The following ANK1 variants were observed in gnomAD, a reference collection of about 807,000 sequenced individuals.
ANK1 encodes ankyrin-1.
A neutral mutation model predicts 210.4 loss-of-function variants in ANK1; 51 were observed. The observed-to-expected ratio is 0.24, with a 90% CI of 0.19 to 0.31. The LOEUF (loss-of-function observed/expected upper bound fraction) is 0.31. Ranked by LOEUF, ANK1 falls within the 10% of genes least tolerant of loss-of-function variation. The pLI, the probability that ANK1 is intolerant of heterozygous loss-of-function variation, is 1.00. For synonymous variants in ANK1, 967 were observed against 1,025.9 expected (o/e 0.94, Z 1.10); for missense variants, 2,051 against 2,504.4 (o/e 0.82, Z 3.86).
chr8:41,875,429 C>A (rs1354418121), intron 1 of ANK1, among the ~76,000 whole-genome samples: 1 of 152,200 alleles, frequency 6.6e-6, no homozygotes, highest in Non-Finnish European at 1.5e-5. Flanking sequence ...TCACCACCGG[C>A]CTGCCAAGAG....
chr8:41,784,353 A>G (rs1162579325), intron 1 of ANK1, among the ~76,000 whole-genome samples: 2 of 152,238 alleles, frequency 1.3e-5, no homozygotes, highest in Non-Finnish European at 2.9e-5. Context: ...TATTTAGTGA[A>G]TTCCTTCTTA....
intron 2 of ANK1, among the ~76,000 whole-genome samples, chr8:41,738,058 T>A (rs1400658042): frequency 6.6e-6 from 1 of 152,014 alleles, no homozygotes; most frequent in Non-Finnish European, 1.5e-5. Flanking sequence ...AAACAGCATG[T>A]AAAGGGGTAG....
chr8:41,685,008 A>C (rs1322801283), intron 36 of ANK1, among the ~76,000 whole-genome samples: 3 of 152,152 alleles, frequency 2.0e-5, no homozygotes, highest in Non-Finnish European at 4.4e-5. Flanking sequence ...ATCTCGGCTC[A>C]CTGTCCACCT....
chr8:41,861,695 C>T (rs756137682), intron 1 of ANK1, among the ~76,000 whole-genome samples: 40 of 152,348 alleles, frequency 2.6e-4, no homozygotes, highest in Middle Eastern at 6.8e-3. Flanking sequence ...CTAGGCACTG[C>T]GGCAGAAACG....
At chr8:41,731,336 G>A (rs947016643) in intron 3 of ANK1, among the ~76,000 whole-genome samples, 2 of 152,194 alleles carry the variant, frequency 1.3e-5, no homozygotes, top group Non-Finnish European at 2.9e-5. Context: ...GAGCAGGGAG[G>A]ATGGTTGCAT....
intron 1 of ANK1, among the ~76,000 whole-genome samples, chr8:41,849,135 C>G (rs529303679): frequency 6.6e-6 from 1 of 152,220 alleles, no homozygotes; most frequent in African/African-American, 2.4e-5. Context: ...ACCTTTGAAC[C>G]ACATTTGGAG....
chr8:41,810,332 C>T (rs759134947), intron 1 of ANK1, among the ~76,000 whole-genome samples: 1 of 152,172 alleles, frequency 6.6e-6, no homozygotes, highest in Non-Finnish European at 1.5e-5. Flanking sequence ...AGCGAATCTG[C>T]GGTTTCATGT....
At chr8:41,689,032 C>T (rs1050496797) in intron 33 of ANK1, among the ~76,000 whole-genome samples, 1 of 152,170 alleles carries the variant, frequency 6.6e-6, no homozygotes, top group South Asian at 2.1e-4. Context: ...TTGAAAGACC[C>T]GTTTCTGTAC....
At chr8:41,891,671 T>C (rs572553545) in intron 1 of ANK1, among the ~76,000 whole-genome samples, 1 of 152,292 alleles carries the variant, frequency 6.6e-6, no homozygotes, top group East Asian at 1.9e-4. Flanking sequence ...GGAGCTGAAC[T>C]GAAAAAATGG....
chr8:41,896,409 C>T, exon 1 of ANK1: 1 of 1,604,372 alleles, frequency 6.2e-7, no homozygotes, highest in Non-Finnish European at 8.5e-7. Flanking sequence ...ATTCCTCCTT[C>T]TCCTTCTGCT....
At position 41,709,048 on chromosome 8, in the gene ANK1, GC is replaced by G. The variant is rs929467733; in HGVS notation, c.1801-74del. The stretch of plus-strand genomic sequence containing the variant: ...TGACAATATCAACACACAAGCAGGG[GC>G]TGAGTCTGGTTCTTGGCCGGCTGGA... On this transcript the variant is annotated intron_variant, in intron 16 of 42. Transcript: ENST00000289734. The G allele has an allele frequency of 1.9e-6, 3 of 1,581,382 alleles. No homozygotes were observed. The African/African-American group carries it at 4.0e-5, about 21-fold the overall frequency.
intron 18 of ANK1, 64 bp downstream of exon 18, chr8:41,706,079 A>C (rs1824489051): frequency 1.3e-6 from 2 of 1,482,724 alleles, no homozygotes; most frequent in Non-Finnish European, 1.9e-6. Flanking sequence ...GCTCTGTGGA[A>C]GATTCAATTC....
chr8:41,703,452 T>TA (rs57245303), intron 20 of ANK1, among the ~76,000 whole-genome samples: 21 of 28,784 alleles, frequency 7.3e-4, no homozygotes, highest in Non-Finnish European at 9.9e-4. Context: ...ATATATATAT[T>TA]TTTTTTTTTT....
intron 39 of ANK1, chr8:41,665,262 C>A: frequency 6.6e-7 from 1 of 1,504,404 alleles, no homozygotes; most frequent in Non-Finnish European, 8.9e-7. Context: ...AGCAGCCAGG[C>A]TCTGCCCTGA....
Position 41,662,023 on chromosome 8 carries a change from C to T in ANK1, c.5479-82G>A, listed in dbSNP as rs1361234477. On this transcript the variant is annotated intron_variant, in intron 40 of 42. Coordinates refer to ENST00000289734, the MANE Select transcript of ANK1 (RefSeq NM_000037.4). ...TCTGTAATCTCAGCACTTTGGGAGG[C>T]TGACGTGCAGATCATCTGAGGTCAG... The T allele has an allele frequency of 2.5e-5, 38 of 1,522,984 alleles. 1 individual carries two copies. The East Asian group carries it at 8.6e-4, about 35-fold the overall frequency. The allele number at this position is 1,522,984 out of a possible 1,614,324, so 94.3% of individuals were successfully genotyped here.
intron 1 of ANK1, among the ~76,000 whole-genome samples, chr8:41,803,945 G>A (rs1850548797): frequency 1.3e-5 from 2 of 152,050 alleles, no homozygotes; most frequent in South Asian, 4.1e-4. Flanking sequence ...CAGGATTTTT[G>A]CACCTATATA....
At chr8:41,666,430 CT>C (rs1471374489) in intron 39 of ANK1, among the ~76,000 whole-genome samples, 15 of 152,184 alleles carry the variant, frequency 9.9e-5, no homozygotes, top group Non-Finnish European at 1.8e-4. Flanking sequence ...CACAATGCTG[CT>C]TATTTCAACA....
chr8:41,826,268 C>T (rs944377743), intron 1 of ANK1, among the ~76,000 whole-genome samples: 1 of 152,048 alleles, frequency 6.6e-6, no homozygotes, highest in Non-Finnish European at 1.5e-5. Context: ...TGTCTATGAC[C>T]CCATGGGGTC....
At position 41,727,895 on chromosome 8, in the gene ANK1, A is replaced by G; in HGVS notation, c.327+13T>C. On this transcript the variant is annotated intron_variant, in intron 4 of 42. Coordinates refer to ENST00000289734, the MANE Select transcript of ANK1 (RefSeq NM_000037.4). The stretch of plus-strand genomic sequence containing the variant: ...AAGGCAACACCCTCTAGTCCAGACC[A>G]GAGAGCCATTACCTGTGACTGGGCG... 6.2e-7 allele frequency: 1 copy of G among 1,609,808 alleles called. No individual in the cohort carries two copies. Among genetic ancestry groups the G allele is most frequent in the Non-Finnish European group, 8.5e-7 (1 of 1,176,016 alleles).
Sources: gnomAD v4.1 joint callset for allele counts (sites outside exome capture counted in the v4.1 genomes callset) on GRCh38, gnomAD v4.1.1 for gene constraint, MANE v1.5 for transcripts, NCBI Gene and HGNC (gene_info 2026-07-23, HGNC 2026-07-21) for gene names.